Variants in SERGEF observed in about 807,000 individuals in gnomAD.
SERGEF encodes secretion-regulating guanine nucleotide exchange factor.
SERGEF carries 51 observed loss-of-function variants against 50.0 expected under a neutral mutation model. The observed-to-expected ratio is 1.02, with a 90% CI of 0.81 to 1.29. The LOEUF is 1.29. SERGEF is among the 50% of genes most tolerant of loss of function. The pLI is 0.00. For missense variants in SERGEF, 521 were observed against 557.0 expected (o/e 0.94, Z 0.65); for synonymous variants, 205 against 212.4 (o/e 0.97, Z 0.30).
chr11:17,985,263 T>C (rs1853570482), intron 8 of SERGEF, among the ~76,000 whole-genome samples: 1 of 152,218 alleles, frequency 6.6e-6, no homozygotes, highest in African/African-American at 2.4e-5. Context: ...CATTTTACAA[T>C]AGTTGGGATC....
intron 9 of SERGEF, chr11:17,918,847 GT>G (rs1852101353): frequency 2.9e-6 from 1 of 348,514 alleles, no homozygotes; most frequent in East Asian, 9.1e-5. Flanking sequence ...GTGAGCAAAG[GT>G]ATAAATGTGT....
chr11:17,959,715 AGT>A, intron 8 of SERGEF, 79 bp from the exon 9 acceptor site: 1 of 1,297,584 alleles, frequency 7.7e-7, no homozygotes, highest in Non-Finnish European at 1.1e-6. Flanking sequence ...TACAAGAGAA[AGT>A]GTGACATTTA....
intron 4 of SERGEF, 54 bp downstream of exon 4, chr11:18,004,387 A>T (rs1459861147): frequency 8.4e-6 from 11 of 1,312,148 alleles, no homozygotes; most frequent in Non-Finnish European, 1.2e-5. Flanking sequence ...ATAGGTTAAT[A>T]CCTTGGAAAC....
chr11:17,806,791 G>T (rs918614830), intron 10 of SERGEF, among the ~76,000 whole-genome samples: 3 of 152,142 alleles, frequency 2.0e-5, no homozygotes, highest in African/African-American at 7.2e-5. Flanking sequence ...GATGACTTTT[G>T]CCAGACAGGG....
At position 17,884,170 on chromosome 11, in the gene SERGEF, G is replaced by A. The variant is rs538651508; in HGVS notation, c.1012-5926C>T. On this transcript the variant is annotated intron_variant, in intron 9 of 10. Coordinates refer to ENST00000265965, the MANE Select transcript of SERGEF (RefSeq NM_012139.4). The surrounding 1 kb of genome is among the most constrained non-coding windows in gnomAD (Gnocchi z 4.6). ...ATTGGTTCTCGCCGGGTGCCAATGA[G>A]CCCGGGCGCCTTCAGGTGCTATGGC... is the stretch of plus-strand genomic sequence containing the variant. Among the ~76,000 whole-genome samples the A allele has an allele frequency of 1.3e-5, 2 of 152,212 alleles. No homozygotes were observed. The highest frequency in any genetic ancestry group is 6.5e-5 in the Admixed American group (1 of 15,284).
At chr11:17,923,375 C>T (rs1275864711) in intron 9 of SERGEF, among the ~76,000 whole-genome samples, 2 of 152,280 alleles carry the variant, frequency 1.3e-5, no homozygotes, top group African/African-American at 4.8e-5. Flanking sequence ...AGGGCCCAAT[C>T]CTGGGACATG....
intron 9 of SERGEF, among the ~76,000 whole-genome samples, chr11:17,902,858 C>T (rs1851772017): frequency 6.6e-6 from 1 of 152,192 alleles, no homozygotes; most frequent in African/African-American, 2.4e-5. Context: ...TGCCTATCTA[C>T]CAGACATCAC....
At chr11:17,960,631 G>A (rs984154247) in intron 8 of SERGEF, among the ~76,000 whole-genome samples, 3 of 152,144 alleles carry the variant, frequency 2.0e-5, no homozygotes, top group African/African-American at 7.2e-5. Context: ...TTTGTGTTTG[G>A]TATCAAAGCT....
At chr11:17,885,499 T>C (rs77292361) in intron 9 of SERGEF, among the ~76,000 whole-genome samples, 1 of 151,964 alleles carries the variant, frequency 6.6e-6, no homozygotes, top group Non-Finnish European at 1.5e-5. Context: ...TTTTTTTTTT[T>C]ACTTCTTGTA....
chr11:17,883,014 A>G (rs1851363804), intron 9 of SERGEF, among the ~76,000 whole-genome samples: 1 of 152,208 alleles, frequency 6.6e-6, no homozygotes, highest in Non-Finnish European at 1.5e-5. Context: ...TGAGAAGCAA[A>G]GGTGGCTGTG....
intron 8 of SERGEF, among the ~76,000 whole-genome samples, chr11:17,987,975 G>T (rs1363101690): frequency 6.6e-6 from 1 of 152,124 alleles, no homozygotes; most frequent in Non-Finnish European, 1.5e-5. Flanking sequence ...AAAATCTGAG[G>T]ACAAAGTTAA....
intron 4 of SERGEF, among the ~76,000 whole-genome samples, chr11:18,003,733 T>C (rs1854015145): frequency 6.6e-6 from 1 of 152,106 alleles, no homozygotes; most frequent in South Asian, 2.1e-4. Context: ...AAAATAACTT[T>C]ATACTGATGA....
chr11:17,853,929 G>A (rs759223315), intron 10 of SERGEF: 1 of 152,004 alleles, frequency 6.6e-6, no homozygotes, highest in Non-Finnish European at 1.5e-5. Flanking sequence ...GCTGAGGCAG[G>A]GGAACCGCTT....
intron 9 of SERGEF, among the ~76,000 whole-genome samples, chr11:17,945,946 C>T (rs1422343321): frequency 6.6e-6 from 1 of 152,066 alleles, no homozygotes; most frequent in Non-Finnish European, 1.5e-5. Flanking sequence ...CCACTGCACT[C>T]CAGCCTGGGC....
At chr11:17,813,779 A>C (rs1304353709) in intron 10 of SERGEF, among the ~76,000 whole-genome samples, 1 of 152,262 alleles carries the variant, frequency 6.6e-6, no homozygotes, top group Non-Finnish European at 1.5e-5. Flanking sequence ...ACATTAGAGA[A>C]GCAGATTGAA....
chr11:17,948,085 C>T lies in SERGEF; in HGVS notation c.1011+11385G>A, dbSNP rs550279737. ...AGAGGCTAGGACTACAGGTACACATCGCCATGCCTAATGTTTGTGTTTTTT... is the reference window on the plus strand; with the variant it reads ...AGAGGCTAGGACTACAGGTACACATTGCCATGCCTAATGTTTGTGTTTTTT... On this transcript the variant is annotated intron_variant, in intron 9 of 10. Coordinates refer to ENST00000265965, the MANE Select transcript of SERGEF (RefSeq NM_012139.4). 8.6e-5 allele frequency among the ~76,000 whole-genome samples: 13 copies of T among 151,890 alleles called. 1 individual carries two copies. Among genetic ancestry groups the T allele is most frequent in the African/African-American group, 3.1e-4 (13 of 41,404 alleles).
intron 9 of SERGEF, chr11:17,918,641 CACACACACACAT>C (rs967770222): frequency 6.8e-5 from 28 of 409,526 alleles, no homozygotes; most frequent in Middle Eastern, 3.4e-4. Flanking sequence ...CACACACACA[CACACACACACAT>C]ACACACACAC....
chr11:17,911,899 G>A (rs1044231429), intron 9 of SERGEF, among the ~76,000 whole-genome samples: 1 of 152,246 alleles, frequency 6.6e-6, no homozygotes. Flanking sequence ...ATGGAAGCAG[G>A]GAAGTCAAGT....
intron 8 of SERGEF, among the ~76,000 whole-genome samples, chr11:17,960,728 G>C (rs372603483): frequency 6.6e-6 from 1 of 152,194 alleles, no homozygotes; most frequent in East Asian, 1.9e-4. Flanking sequence ...GAATATTGCA[G>C]TGATACAAGG....
Sources: gnomAD v4.1 joint callset for allele counts (sites outside exome capture counted in the v4.1 genomes callset) on GRCh38, gnomAD v4.1.1 for gene constraint, Gnocchi (gnomAD v3.1) non-coding constraint, MANE v1.5 for transcripts, NCBI Gene and HGNC (gene_info 2026-07-23, HGNC 2026-07-21) for gene names.